The following CELA1 variants were observed in gnomAD, a reference collection of about 807,000 sequenced individuals.
The protein encoded by CELA1 is chymotrypsin like elastase 1, also known as chymotrypsin-like elastase family member 1.
CELA1 carries 28 observed loss-of-function variants against 34.8 expected under a neutral mutation model. That is an observed-to-expected ratio of 0.80 (90% CI 0.60 to 1.10). CELA1 has a LOEUF of 1.10. Among genes scored for constraint, CELA1 ranks in the 50% least tolerant of loss-of-function variants. CELA1 has a pLI of 0.00. For synonymous variants in CELA1, 140 were observed against 129.8 expected (o/e 1.08, Z -0.53); for missense variants, 288 against 327.5 (o/e 0.88, Z 0.93).
At chr12:51,341,176 G>C (rs773893966) in intron 5 of CELA1, 68 bp downstream of exon 5, 34 of 1,565,876 alleles carry the variant, frequency 2.2e-5, no homozygotes, top group Middle Eastern at 1.7e-4. Context: ...CACAGAAAAA[G>C]GTGTCTTAGA....
rs770397596 is a variant in CELA1 at position 51,342,668 on chromosome 12, T to C, written c.233A>G (p.His78Arg). The change falls in exon 4 of 8, where the codon CAT becomes CGT. Residue 78 changes from histidine (H) to arginine (R), a missense_variant. Coordinates refer to ENST00000293636, the MANE Select transcript of CELA1 (RefSeq NM_001971.6). Reference protein sequence around the residue: ...QKTFRVVAGDHNLSQNDGTEQ... With the variant: ...QKTFRVVAGDRNLSQNDGTEQ... ...AGTGCCATCATTCTGGCTCAGGTTA[T>C]GGTCTCCAGCCACCACGCGGAAAGT... The C allele has an allele frequency of 3.4e-5, 55 of 1,614,074 alleles. No individual in the cohort carries two copies. Among genetic ancestry groups the C allele is most frequent in the Non-Finnish European group, 4.7e-5 (55 of 1,180,042 alleles).
In CELA1 at chr12:51,346,602, GACTGGACCATATC is replaced by G; in HGVS notation, c.16+8_16+20del. 9.3e-7 allele frequency: 1 copy of G among 1,072,138 alleles called. No individual in the cohort carries two copies. The highest frequency in any genetic ancestry group is 3.0e-5 in the Admixed American group (1 of 33,822). The allele number at this position is 1,072,138 out of a possible 1,614,324, so 66.4% of individuals were successfully genotyped here. Reference sequence around the variant, plus strand: ...ACTTACCATAAAGGACCAGGGTTGCGACTGGACCATATCCACTTACCATAAAGGACCAGCATGT... The same window carrying G: ...ACTTACCATAAAGGACCAGGGTTGCGCACTTACCATAAAGGACCAGCATGT... On this transcript the variant is annotated splice_region_variant and intron_variant, in intron 1 of 7. Transcript: ENST00000293636.
chr12:51,328,757 G>A (rs1394053866), intron 7 of CELA1, among the ~76,000 whole-genome samples, 163 bp from the exon 8 acceptor site: 1 of 152,174 alleles, frequency 6.6e-6, no homozygotes, highest in African/African-American at 2.4e-5. Flanking sequence ...TGATAGGACA[G>A]CTCAGTGTTA....
At chr12:51,340,333 C>A (rs1022095699) in intron 5 of CELA1, among the ~76,000 whole-genome samples, 1 of 151,710 alleles carries the variant, frequency 6.6e-6, no homozygotes, top group African/African-American at 2.4e-5. Context: ...TTTGCTCCTG[C>A]AAGCTCCATG....
chr12:51,331,041 T>TA (rs1946466542), intron 6 of CELA1, among the ~76,000 whole-genome samples: 1 of 132,056 alleles, frequency 7.6e-6, no homozygotes. Context: ...AGGAGCTAAA[T>TA]AAAAAAATGA....
At chr12:51,343,451 C>G (rs886363181) in intron 3 of CELA1, among the ~76,000 whole-genome samples, 9 of 152,222 alleles carry the variant, frequency 5.9e-5, no homozygotes, top group Non-Finnish European at 1.3e-4. Context: ...CATATTTACT[C>G]AATCCTCACA....
Position 51,329,746 on chromosome 12 carries a change from T to C in CELA1, c.697A>G (p.Asn233Asp). 1.2e-6 allele frequency: 2 copies of C among 1,614,036 alleles called. No individual in the cohort carries two copies. The highest frequency in any genetic ancestry group is 1.7e-6 in the Non-Finnish European group (2 of 1,179,990). Residue 233 changes from asparagine to aspartate, a missense_variant, in exon 7 of 8, where the codon AAT becomes GAT. Transcript: ENST00000293636. ...VTSFVSSRGC[N>D]VSRKPTVFTQ... ...AAGACTGTAGGCTTCCTGGAGACAT[T>C]ACAGCCCCGGCTGGACACAAAGCTG...
intron 6 of CELA1, among the ~76,000 whole-genome samples, chr12:51,335,090 CTA>C (rs780681787): frequency 6.6e-6 from 1 of 152,176 alleles, no homozygotes; most frequent in East Asian, 1.9e-4. Flanking sequence ...GCAAACTTTT[CTA>C]TGTCTGTGTG....
chr12:51,344,221 A>ATGC (rs1415068373), intron 2 of CELA1, among the ~76,000 whole-genome samples: 3 of 152,140 alleles, frequency 2.0e-5, no homozygotes, highest in African/African-American at 7.2e-5. Context: ...GGGTGTGTAG[A>ATGC]TGCTTCTGGG....
At chr12:51,334,562 T>C (rs918858316) in intron 6 of CELA1, among the ~76,000 whole-genome samples, 3 of 152,070 alleles carry the variant, frequency 2.0e-5, no homozygotes, top group Non-Finnish European at 4.4e-5. Flanking sequence ...GCCTCCCGAG[T>C]AGCTGGGACT....
In CELA1 at chr12:51,343,845, G is replaced by A. The variant is rs763817227; in HGVS notation, c.108C>T (p.Leu36=). 10 of 1,579,968 alleles carry A rather than the reference G, an allele frequency of 6.3e-6. No homozygotes were observed. The highest frequency in any genetic ancestry group is 8.7e-6 in the Non-Finnish European group (10 of 1,151,284). ...GRNSWPSQIS[L]QYRSGGSRYH... The stretch of plus-strand genomic sequence containing the variant: ...ACCGGGAACCTCCAGACCGGTACTG[G>A]AGGGAAATCTAGATGGGGAGGAAAG... The change falls in exon 3 of 8, where the codon CTC becomes CTT. Residue 36 remains leucine (L), a synonymous_variant. Coordinates refer to ENST00000293636, the MANE Select transcript of CELA1 (RefSeq NM_001971.6).
At position 51,343,852 on chromosome 12, in the gene CELA1, A is replaced by G. The variant is rs750617613; in HGVS notation, c.101T>C (p.Ile34Thr). The G allele has an allele frequency of 1.3e-6, 2 of 1,548,052 alleles. No individual in the cohort carries two copies. Among genetic ancestry groups the G allele is most frequent in the African/African-American group, 1.4e-5 (1 of 73,496 alleles). The change falls in exon 3 of 8, where the codon ATT becomes ACT. Residue 34 changes from isoleucine to threonine, a missense_variant and splice_region_variant. By Grantham distance (89) the Ile-to-Thr change is moderately conservative. Coordinates refer to ENST00000293636, the MANE Select transcript of CELA1 (RefSeq NM_001971.6). ...EAGRNSWPSQ[I>T]SLQYRSGGSR... ...ACCTCCAGACCGGTACTGGAGGGAA[A>G]TCTAGATGGGGAGGAAAGAAAGAAG... is the stretch of plus-strand genomic sequence containing the variant.
In CELA1 at chr12:51,339,396, CA is replaced by C. The variant is rs552906178; in HGVS notation, c.609+463del. On this transcript the variant is annotated intron_variant, in intron 6 of 7. Coordinates refer to ENST00000293636, the MANE Select transcript of CELA1 (RefSeq NM_001971.6). ...AGAAACCCTGTCTCTACTAAAAATA[CA>C]AAAAATTAGCCGGGCGTGGTGGTGC... Among the ~76,000 whole-genome samples the C allele has an allele frequency of 1.3e-3, 202 of 152,144 alleles. 1 individual carries two copies. The highest frequency in any genetic ancestry group is 2.3e-3 in the Non-Finnish European group (154 of 67,978).
At position 51,343,885 on chromosome 12, in the gene CELA1, T is replaced by C. The variant is rs779510225; in HGVS notation, c.100-32A>G. On this transcript the variant is annotated intron_variant, in intron 2 of 7. Coordinates refer to ENST00000293636, the MANE Select transcript of CELA1 (RefSeq NM_001971.6). ...GGGGAGGAAAGAAAGAAGGGATAGG[T>C]TGGTGTTTCTCAAATGGTTTTGCCC... 7 of 1,244,448 alleles carry C rather than the reference T, an allele frequency of 5.6e-6. No homozygotes were observed. In the Admixed American group the frequency reaches 1.1e-4, roughly 19 times the overall value. The allele number at this position is 1,244,448 out of a possible 1,614,324, so 77.1% of individuals were successfully genotyped here.
intron 6 of CELA1, among the ~76,000 whole-genome samples, chr12:51,332,363 T>G (rs933523625): frequency 6.6e-6 from 1 of 151,366 alleles, no homozygotes; most frequent in African/African-American, 2.4e-5. Flanking sequence ...AGGGCAGGTA[T>G]GTATATATAA....
chr12:51,329,755 G>T lies in CELA1; in HGVS notation c.688C>A (p.Arg230=), dbSNP rs749350448. The T allele has an allele frequency of 1.2e-6, 2 of 1,613,986 alleles. No homozygotes were observed. Among genetic ancestry groups the T allele is most frequent in the Non-Finnish European group, 1.7e-6 (2 of 1,179,976 alleles). The change falls in exon 7 of 8, where the codon CGG becomes AGG. Residue 230 remains arginine, a synonymous_variant. Coordinates refer to ENST00000293636, the MANE Select transcript of CELA1 (RefSeq NM_001971.6). ...VHGVTSFVSS[R]GCNVSRKPTV... ...GGCTTCCTGGAGACATTACAGCCCCGGCTGGACACAAAGCTGGTCACTCCA... is the reference window on the plus strand; with the variant it reads ...GGCTTCCTGGAGACATTACAGCCCCTGCTGGACACAAAGCTGGTCACTCCA...
intron 6 of CELA1, among the ~76,000 whole-genome samples, chr12:51,334,046 G>C (rs1376958808): frequency 2.0e-5 from 3 of 152,186 alleles, no homozygotes; most frequent in Non-Finnish European, 4.4e-5. Flanking sequence ...TGGAGACCCA[G>C]AACTGTGAAA....
intron 6 of CELA1, among the ~76,000 whole-genome samples, chr12:51,333,821 G>C (rs1256403237): frequency 1.3e-5 from 2 of 152,198 alleles, no homozygotes; most frequent in Admixed American, 1.3e-4. Context: ...TCAGGGATTT[G>C]AGAGTATTTC....
At position 51,329,820 on chromosome 12, in the gene CELA1, C is replaced by G. The variant is rs201129231; in HGVS notation, c.623G>C (p.Gly208Ala). The change falls in exon 7 of 8, where the codon GGC becomes GCC. Residue 208 changes from glycine to alanine, a missense_variant. Gly to Ala is a moderately conservative substitution (Grantham distance 60, BLOSUM62 0). Coordinates refer to ENST00000293636, the MANE Select transcript of CELA1 (RefSeq NM_001971.6). ...GCCATTCACCAAGCAATGGAGGGGG[C>G]CCCCAGAGTCACCCTGCAGGGAGGA... ...VRSGCQGDSG[G>A]PLHCLVNGKY... 1 of 1,563,312 alleles carries G rather than the reference C, an allele frequency of 6.4e-7. No individual in the cohort carries two copies. Among genetic ancestry groups the G allele is most frequent in the Non-Finnish European group, 8.8e-7 (1 of 1,141,722 alleles).
Sources: gnomAD v4.1 joint callset for allele counts (sites outside exome capture counted in the v4.1 genomes callset) on GRCh38, gnomAD v4.1.1 for gene constraint, MANE v1.5 for transcripts, NCBI Gene and HGNC (gene_info 2026-07-23, HGNC 2026-07-21) for gene names.